HPX: variants seen among roughly 807,000 people sequenced by gnomAD.
The protein encoded by HPX is hemopexin, also known as beta-1B-glycoprotein.
A neutral mutation model predicts 53.8 loss-of-function variants in HPX; 42 were observed. That is an observed-to-expected ratio of 0.78 (90% CI 0.61 to 1.01). The LOEUF (loss-of-function observed/expected upper bound fraction) is 1.01. Ranked by LOEUF, HPX falls within the 50% of genes least tolerant of loss-of-function variation. The probability of loss-of-function intolerance (pLI) is 0.00; values close to 1 mark genes in which losing one functional copy is unlikely to be tolerated. For missense variants in HPX, 547 were observed against 594.3 expected, an observed-to-expected ratio of 0.92 and a Z score of 0.83; for synonymous variants, 229 against 221.1, an observed-to-expected ratio of 1.04 and a Z score of -0.32.
At chr11:6,438,265 C>T in intron 5 of HPX, 91 bp downstream of exon 5, 1 of 1,342,682 alleles carries the variant, frequency 7.4e-7, no homozygotes, top group Non-Finnish European at 1.0e-6. Flanking sequence ...AGTGGCTCCA[C>T]CACCACCATC....
chr11:6,436,226 G>C (rs1485731880), intron 7 of HPX, among the ~76,000 whole-genome samples: 1 of 152,118 alleles, frequency 6.6e-6, no homozygotes, highest in Admixed American at 6.5e-5. Flanking sequence ...TTGTCCAAGG[G>C]TCAGGAGCCA....
chr11:6,431,964 T>C lies in HPX; in HGVS notation c.889A>G (p.Ile297Val), dbSNP rs1181868220. 11 of 1,614,172 alleles carry C rather than the reference T, an allele frequency of 6.8e-6. No individual in the cohort carries two copies. The highest frequency in any genetic ancestry group is 9.3e-6 in the Non-Finnish European group (11 of 1,180,026). ...GGACCCTGGGGCCACTGATGAGCAA[T>C]GGGCCAGCTATGCCAGCCATCCCGG... Reference protein sequence around the residue: ...TSRDGWHSWPIAHQWPQGPSA... With the variant: ...TSRDGWHSWPVAHQWPQGPSA... Residue 297 changes from isoleucine to valine, a missense_variant, in exon 8 of 10, where the codon ATT becomes GTT. Transcript: ENST00000265983.
chr11:6,439,900 A>G, intron 4 of HPX: 6 of 484,648 alleles, frequency 1.2e-5, no homozygotes, highest in South Asian at 1.0e-4. Context: ...TTGCCAGAGA[A>G]AAAAAGGATG....
Position 6,440,347 on chromosome 11 carries a change from T to C in HPX, c.215-61A>G. The stretch of plus-strand genomic sequence containing the variant: ...GAAACCTTTGACCTACTGAGATAGC[T>C]TGAGAGAAGCTGTCAGTGATACCAT... On this transcript the variant is annotated intron_variant, in intron 3 of 9. Transcript: ENST00000265983. 1.9e-6 allele frequency: 3 copies of C among 1,607,998 alleles called. No individual in the cohort carries two copies. The South Asian group carries it at 3.3e-5, about 18-fold the overall frequency.
chr11:6,439,822 G>C (rs1232155537), intron 4 of HPX: 1 of 358,116 alleles, frequency 2.8e-6, no homozygotes, highest in Non-Finnish European at 5.5e-6. Context: ...GTGCCATTGT[G>C]TTGGGAACAA....
At chr11:6,436,224 G>A (rs912895085) in intron 7 of HPX, among the ~76,000 whole-genome samples, 1 of 152,190 alleles carries the variant, frequency 6.6e-6, no homozygotes, top group Non-Finnish European at 1.5e-5. Flanking sequence ...ATTTGTCCAA[G>A]GGTCAGGAGC....
chr11:6,436,894 A>C, intron 7 of HPX, 152 bp downstream of exon 7: 1 of 811,164 alleles, frequency 1.2e-6, no homozygotes, highest in Non-Finnish European at 2.0e-6. Context: ...TATGCCTCAG[A>C]GATGAGGGAT....
Position 6,431,253 on chromosome 11 carries a change from C to A in HPX, c.1347G>T (p.Pro449=). The A allele has an allele frequency of 6.2e-7, 1 of 1,614,242 alleles. No homozygotes were observed. Among genetic ancestry groups the A allele is most frequent in the Non-Finnish European group, 8.5e-7 (1 of 1,180,046 alleles). ...VEKLNAAKAL[P]QPQNVTSLLG... is the part of the protein sequence containing the mutation. ...GGAGACTGGTCACATTCTGGGGTTG[C>A]GGAAGGGCCTTGGCTGCATTCAGTT... The change falls in exon 10 of 10, where the codon CCG becomes CCT. Residue 449 remains proline, a synonymous_variant. Transcript: ENST00000265983.
In HPX at chr11:6,440,937, A is replaced by G. The variant is rs1256521773; in HGVS notation, c.27T>C (p.Val9=). ...AGCATAGGCTCCACAACCCCAGTGCAACGGGTGCTCCCAGTACCCTAGCCA... is the reference window on the plus strand; with the variant it reads ...AGCATAGGCTCCACAACCCCAGTGCGACGGGTGCTCCCAGTACCCTAGCCA... The part of the protein sequence containing the change: MARVLGAP[V]ALGLWSLCWS... Residue 9 remains valine (V), a synonymous_variant, in exon 1 of 10, where the codon GTT becomes GTC. Coordinates refer to ENST00000265983, the MANE Select transcript of HPX (RefSeq NM_000613.3). The G allele has an allele frequency of 6.2e-7, 1 of 1,609,944 alleles. No homozygotes were observed. Among genetic ancestry groups the G allele is most frequent in the Non-Finnish European group, 8.5e-7 (1 of 1,177,988 alleles).
Position 6,440,542 on chromosome 11 carries a change from G to A in HPX, c.143-4C>T. Reference sequence around the variant, plus strand: ...CTCCAGCCATCTGAGCAGCGTTCTGGGGTGGAGGTAGGGAGATGGCAAAGT... The same window carrying A: ...CTCCAGCCATCTGAGCAGCGTTCTGAGGTGGAGGTAGGGAGATGGCAAAGT... On this transcript the variant is annotated splice_region_variant and splice_polypyrimidine_tract_variant and intron_variant, in intron 2 of 9. Transcript: ENST00000265983. 2.0e-6 allele frequency: 3 copies of A among 1,488,084 alleles called. No homozygotes were observed. The highest frequency in any genetic ancestry group is 2.8e-6 in the Non-Finnish European group (3 of 1,086,216). 92.2% of individuals were successfully genotyped at this position (1,488,084 alleles called of 1,614,324 possible). A position where few individuals can be genotyped will look rare whatever the true frequency, so the allele number is the denominator to read the frequency against.
At chr11:6,438,549 A>G (rs1159359840) in intron 4 of HPX, 40 bp from the exon 5 acceptor site, 1 of 1,580,354 alleles carries the variant, frequency 6.3e-7, no homozygotes, top group Admixed American at 1.7e-5. Flanking sequence ...GTGCATCCCC[A>G]GATACTGCCA....
At position 6,440,313 on chromosome 11, in the gene HPX, G is replaced by T. The variant is rs113620912; in HGVS notation, c.215-27C>A. On this transcript the variant is annotated intron_variant, in intron 3 of 9. Coordinates refer to ENST00000265983, the MANE Select transcript of HPX (RefSeq NM_000613.3). ...TGAAAAAACCCACACTCACTGAGGG[G>T]CCCAGTGAGAAACCTTTGACCTACT... 270 of 1,612,988 alleles carry T rather than the reference G, an allele frequency of 1.7e-4. No individual in the cohort carries two copies. In the African/African-American group the frequency reaches 2.9e-3, roughly 18 times the overall value.
chr11:6,433,053 A>G (rs2050134667), intron 7 of HPX, among the ~76,000 whole-genome samples: 1 of 152,120 alleles, frequency 6.6e-6, no homozygotes, highest in Non-Finnish European at 1.5e-5. Context: ...CCACCAACAC[A>G]CACACTCCCT....
chr11:6,438,947 A>G (rs1849451930), intron 4 of HPX, among the ~76,000 whole-genome samples: 1 of 152,230 alleles, frequency 6.6e-6, no homozygotes, highest in Non-Finnish European at 1.5e-5. Flanking sequence ...TCTGTCTTTC[A>G]CTTCAGGAAG....
At chr11:6,439,821 T>TCTC in intron 4 of HPX, 1 of 356,786 alleles carries the variant, frequency 2.8e-6, no homozygotes, top group Non-Finnish European at 5.5e-6. Context: ...GGTGCCATTG[T>TCTC]GTTGGGAACA....
chr11:6,436,905 G>T, intron 7 of HPX, 141 bp downstream of exon 7: 3 of 891,668 alleles, frequency 3.4e-6, no homozygotes, highest in Non-Finnish European at 5.3e-6. Context: ...GATGAGGGAT[G>T]CAGAAGGGCA....
At chr11:6,440,319 T>C (rs756020950) in intron 3 of HPX, 33 bp from the exon 4 acceptor site, 1 of 1,612,828 alleles carries the variant, frequency 6.2e-7, no homozygotes, top group East Asian at 2.2e-5. Flanking sequence ...AGGGGCCCAG[T>C]GAGAAACCTT....
intron 5 of HPX, chr11:6,437,854 G>C (rs111618547): frequency 6.8e-4 from 405 of 596,402 alleles, no homozygotes; most frequent in African/African-American, 6.6e-3. Flanking sequence ...GCAGTGGGGA[G>C]AGTCTGGGAA....
At chr11:6,432,331 G>A (rs1849362023) in intron 7 of HPX, 5 of 383,960 alleles carry the variant, frequency 1.3e-5, no homozygotes, top group Non-Finnish European at 2.4e-5. Flanking sequence ...CATGTACAGA[G>A]ATGCGGTTAT....
Sources: gnomAD v4.1 joint callset for allele counts (sites outside exome capture counted in the v4.1 genomes callset) on GRCh38, gnomAD v4.1.1 for gene constraint, MANE v1.5 for transcripts, NCBI Gene and HGNC (gene_info 2026-07-23, HGNC 2026-07-21) for gene names.